The following DACH1 variants were observed in gnomAD, a reference collection of about 807,000 sequenced individuals.
The protein encoded by DACH1 is dachshund homolog 1.
DACH1 carries 12 observed loss-of-function variants against 54.2 expected under a neutral mutation model. The observed-to-expected ratio is 0.22, with a 90% CI of 0.14 to 0.36. The LOEUF (loss-of-function observed/expected upper bound fraction) is 0.36, where lower values mean the gene tolerates loss of function less well. Among genes scored for constraint, DACH1 ranks in the 10% least tolerant of loss-of-function variants. The probability of loss-of-function intolerance (pLI) is 1.00; values close to 1 mark genes in which losing one functional copy is unlikely to be tolerated. For synonymous variants in DACH1, 386 were observed against 366.2 expected (o/e 1.05, Z -0.62); for missense variants, 805 against 929.8 (o/e 0.87, Z 1.75).
intron 1 of DACH1, among the ~76,000 whole-genome samples, chr13:71,831,714 G>A (rs548197653): frequency 2.6e-5 from 4 of 152,070 alleles, no homozygotes; most frequent in South Asian, 2.1e-4. Context: ...TTCATGAACC[G>A]AGGGATAACA....
intron 1 of DACH1, among the ~76,000 whole-genome samples, chr13:71,833,703 G>C (rs1358887267): frequency 6.6e-6 from 1 of 151,944 alleles, no homozygotes; most frequent in East Asian, 1.9e-4. Flanking sequence ...TAAGAGCAGT[G>C]AGAGACGCCA....
chr13:71,550,056 G>C (rs1436161905), intron 6 of DACH1, among the ~76,000 whole-genome samples: 1 of 152,066 alleles, frequency 6.6e-6, no homozygotes, highest in South Asian at 2.1e-4. Flanking sequence ...TCAAAGTGCT[G>C]TCTACAATAT....
chr13:71,713,695 G>A (rs1882835834), intron 1 of DACH1, among the ~76,000 whole-genome samples: 1 of 152,080 alleles, frequency 6.6e-6, no homozygotes, highest in Non-Finnish European at 1.5e-5. Flanking sequence ...TTCTGCAATT[G>A]CAGCATGATA....
intron 3 of DACH1, among the ~76,000 whole-genome samples, chr13:71,617,815 T>C (rs759801209): frequency 7.2e-5 from 11 of 152,262 alleles, no homozygotes; most frequent in East Asian, 1.9e-4. Flanking sequence ...TGGGGCTATA[T>C]ATTCAAAAGC....
chr13:71,826,474 G>T (rs1456352290), intron 1 of DACH1, among the ~76,000 whole-genome samples: 2 of 151,812 alleles, frequency 1.3e-5, no homozygotes, highest in African/African-American at 4.8e-5. Flanking sequence ...TTCTCCCTTT[G>T]GTCCTCCTCT....
rs1312033979 is a variant in DACH1, at chr13:71,521,482, C to T, written c.1571-32334G>A. ...TGAATGGGAATCCAAAATTTTAAAC[C>T]TATTTTAAAACACATTTTAAAACCA... On this transcript the variant is annotated intron_variant, in intron 6 of 10. Coordinates refer to ENST00000613252, the MANE Select transcript of DACH1 (RefSeq NM_080759.6). Among the ~76,000 whole-genome samples the T allele has an allele frequency of 4.6e-5, 7 of 151,918 alleles. No individual in the cohort carries two copies. In the East Asian group the frequency reaches 1.4e-3, roughly 29 times the overall value.
chr13:71,519,732 A>G (rs974944855), intron 6 of DACH1, among the ~76,000 whole-genome samples: 8 of 150,426 alleles, frequency 5.3e-5, no homozygotes, highest in Admixed American at 2.0e-4. Flanking sequence ...TAAATACAAC[A>G]TAAGTACAAA....
chr13:71,741,397 G>T (rs143603878), intron 1 of DACH1, among the ~76,000 whole-genome samples: 3 of 152,102 alleles, frequency 2.0e-5, no homozygotes, highest in African/African-American at 7.2e-5. Flanking sequence ...TCGTCTTATT[G>T]TTTTTCCAGG....
intron 6 of DACH1, among the ~76,000 whole-genome samples, chr13:71,541,400 C>A (rs1003223315): frequency 6.6e-6 from 1 of 152,026 alleles, no homozygotes; most frequent in Non-Finnish European, 1.5e-5. Context: ...ATAAAACAAA[C>A]TGGCATAGTT....
intron 1 of DACH1, among the ~76,000 whole-genome samples, chr13:71,795,804 T>C (rs1887023453): frequency 6.6e-6 from 1 of 152,144 alleles, no homozygotes; most frequent in Non-Finnish European, 1.5e-5. Context: ...TATAATATCT[T>C]CCCTGCAATA....
chr13:71,558,989 A>T (rs1333115256), intron 5 of DACH1, among the ~76,000 whole-genome samples: 1 of 152,104 alleles, frequency 6.6e-6, no homozygotes, highest in Non-Finnish European at 1.5e-5. Context: ...TGCTATAAAC[A>T]TAATTGCATA....
At chr13:71,695,180 T>A (rs1034871087) in intron 1 of DACH1, among the ~76,000 whole-genome samples, 10 of 152,190 alleles carry the variant, frequency 6.6e-5, no homozygotes, top group African/African-American at 1.2e-4. Flanking sequence ...TTAGAGGATT[T>A]TCTAATATTT....
chr13:71,612,827 T>A (rs1875435855), intron 3 of DACH1, among the ~76,000 whole-genome samples: 1 of 152,196 alleles, frequency 6.6e-6, no homozygotes, highest in East Asian at 1.9e-4. Context: ...CTAGAGGAAT[T>A]CCATGAATAA....
At chr13:71,850,935 T>A (rs1873615979) in intron 1 of DACH1, among the ~76,000 whole-genome samples, 1 of 152,236 alleles carries the variant, frequency 6.6e-6, no homozygotes, top group African/African-American at 2.4e-5. Flanking sequence ...ACCAAACAAG[T>A]AATGTCAAAT....
At chr13:71,572,784 A>C in intron 4 of DACH1, 56 bp downstream of exon 4, 2 of 1,533,642 alleles carry the variant, frequency 1.3e-6, no homozygotes, top group Admixed American at 3.7e-5. Context: ...AAAATGGATT[A>C]AGGGATGGTG....
At chr13:71,558,178 G>A (rs1884372435) in intron 5 of DACH1, among the ~76,000 whole-genome samples, 1 of 151,970 alleles carries the variant, frequency 6.6e-6, no homozygotes, top group Admixed American at 6.6e-5. Context: ...AGAAGCACTA[G>A]GTGACATTAT....
chr13:71,471,844 G>T (rs1877109276), intron 10 of DACH1, among the ~76,000 whole-genome samples: 1 of 152,162 alleles, frequency 6.6e-6, no homozygotes, highest in South Asian at 2.1e-4. Flanking sequence ...TGACGACTTA[G>T]CTGAAGAAAG....
intron 1 of DACH1, among the ~76,000 whole-genome samples, chr13:71,819,588 T>C (rs9542750): frequency 0.47 from 70,825 of 151,948 alleles, 17,859 homozygotes; most frequent in Non-Finnish European, 0.58. Flanking sequence ...CATGACTTTG[T>C]CTCTACCAAT....
At chr13:71,676,276 G>A (rs1880562122) in intron 2 of DACH1, among the ~76,000 whole-genome samples, 1 of 152,038 alleles carries the variant, frequency 6.6e-6, no homozygotes, top group Admixed American at 6.5e-5. Context: ...TGAGTGCAAT[G>A]GTGTGATCTT....
Sources: gnomAD v4.1 joint callset for allele counts (sites outside exome capture counted in the v4.1 genomes callset) on GRCh38, gnomAD v4.1.1 for gene constraint, MANE v1.5 for transcripts, NCBI Gene and HGNC (gene_info 2026-07-23, HGNC 2026-07-21) for gene names.